KIFC1: variants seen among roughly 807,000 people sequenced by gnomAD.
KIFC1 encodes kinesin family member C1.
In KIFC1, 37 loss-of-function variants were observed where a neutral mutation model predicts 66.6. The observed-to-expected ratio is 0.56, with a 90% CI of 0.43 to 0.73. The LOEUF is 0.73. Ranked by LOEUF, KIFC1 falls within the 30% of genes least tolerant of loss-of-function variation. The probability of loss-of-function intolerance (pLI) is 0.00; values close to 1 mark genes in which losing one functional copy is unlikely to be tolerated. For missense variants in KIFC1, 721 were observed against 859.8 expected (o/e 0.84, Z 2.02); for synonymous variants, 325 against 343.5 (o/e 0.95, Z 0.60).
rs1562834375 is a variant in KIFC1, at chr6:33,403,438, A to G, written c.305-47A>G. The G allele has an allele frequency of 6.2e-7, 1 of 1,610,116 alleles. No homozygotes were observed. Among genetic ancestry groups the G allele is most frequent in the South Asian group, 1.1e-5 (1 of 90,986 alleles). On this transcript the variant is annotated intron_variant, in intron 4 of 10. Coordinates refer to ENST00000428849, the MANE Select transcript of KIFC1 (RefSeq NM_002263.4). This position sits in a 1 kb window ranked among gnomAD's most constrained non-coding sequence, Gnocchi z 4.6. ...TGTAAAGGGAGAATGATGGAGGTGG[A>G]GGGACACTGGTCCTGTAATTCCTAA... is the stretch of plus-strand genomic sequence containing the variant.
At chr6:33,391,704 G>C (rs1035955889), upstream of KIFC1, 4 of 590,574 alleles carry the variant, frequency 6.8e-6, no homozygotes, top group Admixed American at 3.0e-5. Flanking sequence ...AAGACAAGGC[G>C]CCTGTCGGGC....
rs1363232627 is a variant in KIFC1 at position 33,401,803 on chromosome 6, A to G, written c.251-1511A>G. On this transcript the variant is annotated intron_variant, in intron 3 of 10. Coordinates refer to ENST00000428849, the MANE Select transcript of KIFC1 (RefSeq NM_002263.4). The surrounding 1 kb of genome is among the most constrained non-coding windows in gnomAD (Gnocchi z 4.5). ...TGCAAGCTCCGTCTCCTGGGTTCAC[A>G]CCATTCTCCTGCCTCAGCCTCCGGA... Among the ~76,000 whole-genome samples, 1 of 150,960 alleles carries G rather than the reference A, an allele frequency of 6.6e-6. No individual in the cohort carries two copies. The highest frequency in any genetic ancestry group is 1.5e-5 in the Non-Finnish European group (1 of 67,748).
intron 1 of KIFC1, among the ~76,000 whole-genome samples, chr6:33,395,344 T>C (rs533309232): frequency 6.6e-6 from 1 of 152,222 alleles, no homozygotes; most frequent in Admixed American, 6.5e-5. Flanking sequence ...AAGCTGATGG[T>C]GCAGAGGTGA....
At chr6:33,399,877 A>G (rs185460359) in intron 3 of KIFC1, among the ~76,000 whole-genome samples, 3 of 152,352 alleles carry the variant, frequency 2.0e-5, no homozygotes, top group Admixed American at 6.5e-5. Context: ...GGCTACATCA[A>G]ATTTATAAAA....
rs1249091056 is a variant in KIFC1, at chr6:33,401,522, G to A, written c.251-1792G>A. 6.6e-6 allele frequency among the ~76,000 whole-genome samples: 1 copy of A among 151,928 alleles called. No homozygotes were observed. The highest frequency in any genetic ancestry group is 2.4e-5 in the African/African-American group (1 of 41,346). ...TTTGAAAAATTTTAAATATTATTTTGCTTTTCAAACTTTTTGTTAAAAACG... is the reference window on the plus strand; with the variant it reads ...TTTGAAAAATTTTAAATATTATTTTACTTTTCAAACTTTTTGTTAAAAACG... On this transcript the variant is annotated intron_variant, in intron 3 of 10. Coordinates refer to ENST00000428849, the MANE Select transcript of KIFC1 (RefSeq NM_002263.4). This position sits in a 1 kb window ranked among gnomAD's most constrained non-coding sequence, Gnocchi z 4.5.
In KIFC1 at chr6:33,400,067, C is replaced by G. The variant is rs983532120; in HGVS notation, c.250+1680C>G. On this transcript the variant is annotated intron_variant, in intron 3 of 10. Coordinates refer to ENST00000428849, the MANE Select transcript of KIFC1 (RefSeq NM_002263.4). This position sits in a 1 kb window ranked among gnomAD's most constrained non-coding sequence, Gnocchi z 4.3. ...AATATTTTCCTTTGTGCTTAACTAG[C>G]TGGGCATTCCACAGCACCACTGTTG... The G allele has an allele frequency of 9.7e-6, 7 of 724,276 alleles. No homozygotes were observed. Among genetic ancestry groups the G allele is most frequent in the South Asian group, 7.2e-5 (5 of 69,210 alleles). The allele number at this position is 724,276 out of a possible 1,614,324, so 44.9% of individuals were successfully genotyped here. A position where few individuals can be genotyped will look rare whatever the true frequency, so the allele number is the denominator to read the frequency against.
At position 33,403,421 on chromosome 6, in the gene KIFC1, G is replaced by A; in HGVS notation, c.304+54G>A. ...AAGGGATTTGGGGTATGTGTAAAGG[G>A]AGAATGATGGAGGTGGAGGGACACT... On this transcript the variant is annotated intron_variant, in intron 4 of 10. Coordinates refer to ENST00000428849, the MANE Select transcript of KIFC1 (RefSeq NM_002263.4). The surrounding 1 kb of genome is among the most constrained non-coding windows in gnomAD (Gnocchi z 4.6). The A allele has an allele frequency of 6.2e-7, 1 of 1,609,990 alleles. No homozygotes were observed. The highest frequency in any genetic ancestry group is 8.5e-7 in the Non-Finnish European group (1 of 1,176,244).
rs1775346135 is a variant in KIFC1, at chr6:33,401,035, T to G, written c.251-2279T>G. On this transcript the variant is annotated intron_variant, in intron 3 of 10. Coordinates refer to ENST00000428849, the MANE Select transcript of KIFC1 (RefSeq NM_002263.4). This position sits in a 1 kb window ranked among gnomAD's most constrained non-coding sequence, Gnocchi z 4.5. ...ATATTTTATTCCTTTATATCCTTATTCCTCATGCTTTTTTTCTATCTAAAT... is the reference window on the plus strand; with the variant it reads ...ATATTTTATTCCTTTATATCCTTATGCCTCATGCTTTTTTTCTATCTAAAT... Among the ~76,000 whole-genome samples, 2 of 152,242 alleles carry G rather than the reference T, an allele frequency of 1.3e-5. No homozygotes were observed. Among genetic ancestry groups the G allele is most frequent in the South Asian group, 2.1e-4 (1 of 4,836 alleles).
chr6:33,406,426 ACAGGCCATTAACAG>A lies in KIFC1; in HGVS notation c.1771_1784del (p.Ala591ProfsTer36), dbSNP rs1352250348. 3.1e-6 allele frequency: 5 copies of A among 1,605,752 alleles called. No homozygotes were observed. In the African/African-American group the frequency reaches 6.7e-5, roughly 21 times the overall value. On this transcript the variant is annotated frameshift_variant, in exon 8 of 11. Coordinates refer to ENST00000428849, the MANE Select transcript of KIFC1 (RefSeq NM_002263.4). LOFTEE classifies it high-confidence loss of function. The surrounding 1 kb of genome is among the most constrained non-coding windows in gnomAD (Gnocchi z 4.5). ...GGGAGCGGGAACGCCTTCGGGAAACACAGGCCATTAACAGCAGCCTGTCCACGCTGGGGCTGGTT... is the reference window on the plus strand; with the variant it reads ...GGGAGCGGGAACGCCTTCGGGAAACACAGCCTGTCCACGCTGGGGCTGGTT...
Position 33,391,976 on chromosome 6 carries a change from C to G in KIFC1, c.-10C>G, listed in dbSNP as rs764421777. Reference sequence around the variant, plus strand: ...TGCATTCCCCCGGCGCGTGTGGGACCGAGGTGGACATGGATCCGCAGGTGA... The same window carrying G: ...TGCATTCCCCCGGCGCGTGTGGGACGGAGGTGGACATGGATCCGCAGGTGA... On this transcript the variant is annotated 5_prime_UTR_variant, in exon 1 of 11. Transcript: ENST00000428849. 1 of 1,613,960 alleles carries G rather than the reference C, an allele frequency of 6.2e-7. No individual in the cohort carries two copies. Among genetic ancestry groups the G allele is most frequent in the Non-Finnish European group, 8.5e-7 (1 of 1,179,942 alleles).
chr6:33,396,526 G>T (rs1775051261), intron 1 of KIFC1, among the ~76,000 whole-genome samples: 1 of 140,710 alleles, frequency 7.1e-6, no homozygotes, highest in Admixed American at 7.4e-5. Flanking sequence ...GCTCACTGCA[G>T]CCTTGATCTG....
chr6:33,407,096 AAAAAG>A, intron 10 of KIFC1: 2 of 1,400,406 alleles, frequency 1.4e-6, no homozygotes, highest in Non-Finnish European at 9.3e-7. Context: ...TGATTAAAAA[AAAAAG>A]AAAAGGTGAC....
chr6:33,405,322 T>C lies in KIFC1; in HGVS notation c.1227T>C (p.Tyr409=). ...LDGYPVCIFA[Y]GQTGSGKTFT... Reference sequence around the variant, plus strand: ...GCTATCCAGTATGCATCTTTGCCTATGGCCAGACAGGCAGTGGCAAGACCT... The same window carrying C: ...GCTATCCAGTATGCATCTTTGCCTACGGCCAGACAGGCAGTGGCAAGACCT... The change falls in exon 7 of 11, where the codon TAT becomes TAC. Residue 409 remains tyrosine (Y), a synonymous_variant. Coordinates refer to ENST00000428849, the MANE Select transcript of KIFC1 (RefSeq NM_002263.4). The surrounding 1 kb of genome is among the most constrained non-coding windows in gnomAD (Gnocchi z 5.4). 1 of 1,614,120 alleles carries C rather than the reference T, an allele frequency of 6.2e-7. No individual in the cohort carries two copies. The highest frequency in any genetic ancestry group is 8.5e-7 in the Non-Finnish European group (1 of 1,180,008).
At chr6:33,396,925 G>A (rs1240139163) in intron 1 of KIFC1, among the ~76,000 whole-genome samples, 4 of 149,694 alleles carry the variant, frequency 2.7e-5, no homozygotes, top group Non-Finnish European at 5.9e-5. Flanking sequence ...CTTGTGATCT[G>A]CCCGCCTCGG....
rs751610416 is a variant in KIFC1, at chr6:33,404,084, G to A, written c.711G>A (p.Leu237=). 4 of 1,613,958 alleles carry A rather than the reference G, an allele frequency of 2.5e-6. No individual in the cohort carries two copies. The highest frequency in any genetic ancestry group is 1.3e-5 in the African/African-American group (1 of 74,912). Residue 237 remains leucine (L), a synonymous_variant, in exon 6 of 11, where the codon TTG becomes TTA. Transcript: ENST00000428849. This position sits in a 1 kb window ranked among gnomAD's most constrained non-coding sequence, Gnocchi z 4.0. ...AGCTTCAGAAAAAACAGGTGGAATT[G>A]CAGGAAGAACGGAGGGGACTGATGT... ...VQELQKKQVE[L]QEERRGLMSQ... is the part of the protein sequence containing the mutation.
rs570884731 is a variant in KIFC1 at position 33,399,273 on chromosome 6, A to G, written c.250+886A>G. On this transcript the variant is annotated intron_variant, in intron 3 of 10. Coordinates refer to ENST00000428849, the MANE Select transcript of KIFC1 (RefSeq NM_002263.4). Reference sequence around the variant, plus strand: ...CGTGATGGCCCGTGCCTGTAATCCCAGCTACTCTGGAGGCTGAGGCAGGAG... The same window carrying G: ...CGTGATGGCCCGTGCCTGTAATCCCGGCTACTCTGGAGGCTGAGGCAGGAG... 1.7e-3 allele frequency among the ~76,000 whole-genome samples: 266 copies of G among 152,280 alleles called. 2 individuals are homozygous for G. The highest frequency in any genetic ancestry group is 6.2e-3 in the African/African-American group (258 of 41,566).
In KIFC1 at chr6:33,406,106, A is replaced by G; in HGVS notation, c.1537-90A>G. On this transcript the variant is annotated intron_variant, in intron 7 of 10. Coordinates refer to ENST00000428849, the MANE Select transcript of KIFC1 (RefSeq NM_002263.4). This position sits in a 1 kb window ranked among gnomAD's most constrained non-coding sequence, Gnocchi z 4.5. Reference sequence around the variant, plus strand: ...TCTTGACAGGCTAGAAAGCTTCAAGAGGGTGGGGGTGGGCTCTTATTCATT... The same window carrying G: ...TCTTGACAGGCTAGAAAGCTTCAAGGGGGTGGGGGTGGGCTCTTATTCATT... 1.7e-6 allele frequency: 2 copies of G among 1,205,882 alleles called. No homozygotes were observed. The highest frequency in any genetic ancestry group is 3.0e-5 in the South Asian group (2 of 66,944). The allele number at this position is 1,205,882 out of a possible 1,614,324, so 74.7% of individuals were successfully genotyped here. A position where few individuals can be genotyped will look rare whatever the true frequency, so the allele number is the denominator to read the frequency against.
In KIFC1 at chr6:33,409,754, T is replaced by TGTGTCC. The variant is rs1374618874; in HGVS notation, c.*64_*65insGTGTCC. The TGTGTCC allele has an allele frequency of 2.9e-5, 39 of 1,343,408 alleles. No homozygotes were observed. In the African/African-American group the frequency reaches 4.9e-4, roughly 17 times the overall value. 83.2% of individuals were successfully genotyped at this position (1,343,408 alleles called of 1,614,324 possible). A position where few individuals can be genotyped will look rare whatever the true frequency, so the allele number is the denominator to read the frequency against. On this transcript the variant is annotated 3_prime_UTR_variant, in exon 11 of 11. Transcript: ENST00000428849. The stretch of plus-strand genomic sequence containing the variant: ...GTGTGTGTGTGTGTGTGTGTGTGTG[T>TGTGTCC]CCCTATGTCTATGTATCGGGTGAGG...
At chr6:33,391,614 A>G, upstream of KIFC1, 1 of 407,068 alleles carries the variant, frequency 2.5e-6, no homozygotes, top group Non-Finnish European at 4.5e-6. Flanking sequence ...TTGCCGCTAG[A>G]GGAGGGGAGG....
Sources: allele counts gnomAD v4.1 joint callset (sites outside exome capture counted in the v4.1 genomes callset), GRCh38; gene constraint gnomAD v4.1.1; non-coding constraint Gnocchi (gnomAD v3.1); transcripts MANE v1.5; gene names NCBI Gene and HGNC (gene_info 2026-07-23, HGNC 2026-07-21).